The following CCDC102B variants were observed in gnomAD, a reference collection of about 807,000 sequenced individuals.
CCDC102B encodes coiled-coil domain containing 102B.
In CCDC102B, 75 loss-of-function variants were observed where a neutral mutation model predicts 57.4. The observed-to-expected ratio is 1.31, with a 90% CI of 1.08 to 1.58. CCDC102B has a LOEUF of 1.58. Among genes scored for constraint, CCDC102B ranks in the 40% most tolerant of loss-of-function variants. The pLI, the probability that CCDC102B is intolerant of heterozygous loss-of-function variation, is 0.00. For missense variants in CCDC102B, 636 were observed against 582.6 expected, an observed-to-expected ratio of 1.09 and a Z score of -0.94; for synonymous variants, 206 against 201.9, an observed-to-expected ratio of 1.02 and a Z score of -0.17.
At chr18:68,748,779 G>A (rs961066492) in intron 2 of CCDC102B, among the ~76,000 whole-genome samples, 9 of 152,130 alleles carry the variant, frequency 5.9e-5, no homozygotes, top group Admixed American at 3.3e-4. Flanking sequence ...TATTTATGTA[G>A]TAAAAGTATA....
At chr18:69,004,325 T>G (rs1025913444) in intron 6 of CCDC102B, among the ~76,000 whole-genome samples, 1 of 152,174 alleles carries the variant, frequency 6.6e-6, no homozygotes, top group Non-Finnish European at 1.5e-5. Context: ...GCCGTGATCA[T>G]GGGACCTCAG....
intron 2 of CCDC102B, chr18:68,753,555 C>CCT: frequency 6.5e-6 from 1 of 152,734 alleles, no homozygotes. Context: ...TCCTCTCTCT[C>CCT]CTCTCTCTCT....
upstream of CCDC102B, among the ~76,000 whole-genome samples, chr18:68,794,177 C>G (rs1240613311): frequency 6.6e-6 from 1 of 152,110 alleles, no homozygotes; most frequent in Non-Finnish European, 1.5e-5. Flanking sequence ...GATTAAAACT[C>G]AGAGTTTTAC....
intron 6 of CCDC102B, among the ~76,000 whole-genome samples, chr18:68,960,193 T>C (rs1207820772): frequency 6.6e-6 from 1 of 152,208 alleles, no homozygotes; most frequent in Non-Finnish European, 1.5e-5. Context: ...TCAATGGTTC[T>C]TTAGTCAGCA....
Position 68,956,656 on chromosome 18 carries a change from G to A in CCDC102B, c.1264-54278G>A, listed in dbSNP as rs1303700908. Among the ~76,000 whole-genome samples, 2 of 130,954 alleles carry A rather than the reference G, an allele frequency of 1.5e-5. 1 individual carries two copies. The highest frequency in any genetic ancestry group is 3.1e-5 in the Non-Finnish European group (2 of 64,568). 85.9% of individuals were successfully genotyped at this position (130,954 alleles called of 152,430 possible). A position where few individuals can be genotyped will look rare whatever the true frequency, so the allele number is the denominator to read the frequency against. On this transcript the variant is annotated intron_variant, in intron 6 of 7. Transcript: ENST00000360242. ...GCACCATACATATAGCAGTGGGATT[G>A]CTGGATCATACGGTAGTTGTATTTA...
In CCDC102B at chr18:68,942,133, TCA is replaced by T. The variant is rs151338232; in HGVS notation, c.1263+44706_1263+44707del. Among the ~76,000 whole-genome samples the T allele has an allele frequency of 2.6e-3, 402 of 152,288 alleles. 1 individual carries two copies. The highest frequency in any genetic ancestry group is 4.5e-3 in the Non-Finnish European group (303 of 68,014). ...AAAATTTAAGAGTCAGAAATTAATT[TCA>T]ATTTCTGTTGGAGATGTGTTGATTT... is the stretch of plus-strand genomic sequence containing the variant. On this transcript the variant is annotated intron_variant, in intron 6 of 7. Coordinates refer to ENST00000360242, the MANE Select transcript of CCDC102B (RefSeq NM_024781.3).
intron 1 of CCDC102B, among the ~76,000 whole-genome samples, chr18:68,814,651 A>G (rs747514026): frequency 6.6e-6 from 1 of 152,130 alleles, no homozygotes; most frequent in Non-Finnish European, 1.5e-5. Context: ...GCAATAAATG[A>G]TAAGGTGAAT....
At chr18:68,831,481 T>C (rs190631874) in intron 1 of CCDC102B, among the ~76,000 whole-genome samples, 417 of 152,312 alleles carry the variant, frequency 2.7e-3, no homozygotes, top group African/African-American at 9.2e-3. Flanking sequence ...TTTTAAACTT[T>C]GTGTTTATGC....
intron 2 of CCDC102B, among the ~76,000 whole-genome samples, chr18:68,725,608 G>T (rs915561252): frequency 6.6e-6 from 1 of 152,108 alleles, no homozygotes; most frequent in African/African-American, 2.4e-5. Flanking sequence ...GTGACAGTGG[G>T]GCAAGTCTTT....
intron 1 of CCDC102B, among the ~76,000 whole-genome samples, chr18:68,811,541 G>C (rs997480789): frequency 6.6e-6 from 1 of 152,150 alleles, no homozygotes; most frequent in Admixed American, 6.5e-5. Flanking sequence ...CTTGAACCTG[G>C]GAGGCAGAGG....
chr18:69,046,227 A>G (rs1453371523), intron 7 of CCDC102B, among the ~76,000 whole-genome samples: 3 of 152,186 alleles, frequency 2.0e-5, no homozygotes, highest in Non-Finnish European at 4.4e-5. Flanking sequence ...AAAATGCATA[A>G]GTATTCCCTA....
chr18:68,790,714 C>A lies in CCDC102B; in HGVS notation c.-66-32652C>A, dbSNP rs568312889. Among the ~76,000 whole-genome samples, 245 of 152,284 alleles carry A rather than the reference C, an allele frequency of 1.6e-3. 1 individual carries two copies. The highest frequency in any genetic ancestry group is 5.8e-3 in the African/African-American group (240 of 41,552). On this transcript the variant is annotated intron_variant, in intron 2 of 3. Transcript: ENST00000578970. ...CGTGCACGGTGCGCGCACCCACTGA[C>A]CTGCGCCCACTGTCTGGCACTCCCT...
At chr18:68,838,979 A>C in intron 3 of CCDC102B, 53 bp downstream of exon 3, 1 of 1,375,738 alleles carries the variant, frequency 7.3e-7, no homozygotes, top group Non-Finnish European at 1.0e-6. Flanking sequence ...AAATCACTTA[A>C]AATTGTTAAT....
intron 1 of CCDC102B, among the ~76,000 whole-genome samples, chr18:68,808,578 C>A (rs1429703001): frequency 6.7e-6 from 1 of 149,884 alleles, no homozygotes; most frequent in Admixed American, 6.7e-5. Flanking sequence ...CCTGGGTTCA[C>A]GCCATTCTCC....
chr18:68,971,587 A>G (rs2050302452), intron 6 of CCDC102B, among the ~76,000 whole-genome samples: 1 of 152,162 alleles, frequency 6.6e-6, no homozygotes, highest in African/African-American at 2.4e-5. Flanking sequence ...GTAAGGGGAA[A>G]GGGAAATCAC....
chr18:68,858,557 A>G (rs1158427057), intron 4 of CCDC102B, among the ~76,000 whole-genome samples: 2 of 152,128 alleles, frequency 1.3e-5, no homozygotes, highest in Non-Finnish European at 2.9e-5. Flanking sequence ...CCATCTGTCC[A>G]TTGGCAGTCA....
At chr18:68,777,600 G>C (rs574285688) in intron 2 of CCDC102B, among the ~76,000 whole-genome samples, 3 of 152,164 alleles carry the variant, frequency 2.0e-5, no homozygotes, top group African/African-American at 4.8e-5. Flanking sequence ...TGGGTTAAAG[G>C]GGGTATTTAG....
At chr18:68,759,793 G>A (rs2145265310) in intron 2 of CCDC102B, among the ~76,000 whole-genome samples, 1 of 152,182 alleles carries the variant, frequency 6.6e-6, no homozygotes, top group Middle Eastern at 3.4e-3. Context: ...CAGCTGGATT[G>A]TAGACCTACA....
rs767093115 is a variant in CCDC102B, at chr18:68,837,345, T to C, written c.582T>C (p.Ser194=). 1 of 1,610,102 alleles carries C rather than the reference T, an allele frequency of 6.2e-7. No homozygotes were observed. The highest frequency in any genetic ancestry group is 1.3e-5 in the African/African-American group (1 of 74,686). Residue 194 remains serine, a synonymous_variant, in exon 2 of 8, where the codon TCT becomes TCC. Transcript: ENST00000360242. ...IREYLVKRQF[S]TKEDTNNKEQ... ...AGTATTTGGTAAAAAGACAATTTTC[T>C]ACAAAGGAGGACACAAATAATAAGG...
Sources: gnomAD v4.1 joint callset for allele counts (sites outside exome capture counted in the v4.1 genomes callset) on GRCh38, gnomAD v4.1.1 for gene constraint, MANE v1.5 for transcripts, NCBI Gene and HGNC (gene_info 2026-07-23, HGNC 2026-07-21) for gene names.